MICAL3: variants seen among roughly 807,000 people sequenced by gnomAD.
MICAL3 encodes microtubule associated monooxygenase, calponin and LIM domain containing 3, also known as [F-actin]-monooxygenase MICAL3.
Under a neutral mutation model 207.4 loss-of-function variants are expected in MICAL3, and 62 were observed. The ratio of observed to expected loss-of-function variants is 0.30; its 90% CI spans 0.24 to 0.37. The LOEUF is 0.37. MICAL3 is among the 10% of genes least tolerant of loss of function. The probability of loss-of-function intolerance (pLI) is 1.00; values close to 1 mark genes in which losing one functional copy is unlikely to be tolerated. For missense variants in MICAL3, 2,368 were observed against 2,635.6 expected (o/e 0.90, Z 2.22); for synonymous variants, 1,077 against 1,069.3 (o/e 1.01, Z -0.14).
chr22:17,980,500 A>G (rs9605473), intron 1 of MICAL3, among the ~76,000 whole-genome samples: 40,885 of 152,074 alleles, frequency 0.27, 5,933 homozygotes, highest in African/African-American at 0.37. Context: ...GACAACTTTC[A>G]GCTCCTGGAA....
Position 17,967,063 on chromosome 22 carries a change from C to CAG in MICAL3, c.-75+57216_-75+57217dup, listed in dbSNP as rs1343693692. On this transcript the variant is annotated intron_variant, in intron 1 of 31. Transcript: ENST00000441493. ...TGGGACTGATCAAGGGTAGGTGAGACAGAGGTTCCATGGACAAGGGCCACC... is the reference window on the plus strand; with the variant it reads ...TGGGACTGATCAAGGGTAGGTGAGACAGAGAGGTTCCATGGACAAGGGCCACC... 5.3e-5 allele frequency among the ~76,000 whole-genome samples: 8 copies of CAG among 152,258 alleles called. No homozygotes were observed. The South Asian group carries it at 1.7e-3, about 32-fold the overall frequency.
At chr22:18,018,334 C>T (rs191073040) in intron 1 of MICAL3, among the ~76,000 whole-genome samples, 4 of 152,268 alleles carry the variant, frequency 2.6e-5, no homozygotes, top group Admixed American at 1.3e-4. Flanking sequence ...CAATTTCTGT[C>T]GGTATTTGCT....
intron 29 of MICAL3, among the ~76,000 whole-genome samples, chr22:17,807,638 G>T (rs919808229): frequency 1.9e-4 from 29 of 152,244 alleles, no homozygotes; most frequent in African/African-American, 6.7e-4. Context: ...AAAGGGCCTG[G>T]GAAAGGAGAC....
chr22:17,839,079 A>G (rs1159426190), intron 20 of MICAL3, among the ~76,000 whole-genome samples: 1 of 148,100 alleles, frequency 6.8e-6, no homozygotes, highest in African/African-American at 2.5e-5. Context: ...CTCCTGCCTC[A>G]GCCTCCTGAG....
chr22:17,882,736 T>C (rs1437493072), intron 16 of MICAL3, among the ~76,000 whole-genome samples: 1 of 152,210 alleles, frequency 6.6e-6, no homozygotes, highest in Non-Finnish European at 1.5e-5. Flanking sequence ...TTCTCACCGC[T>C]AACGATTTCT....
chr22:18,021,022 A>T (rs1482899958), intron 1 of MICAL3, among the ~76,000 whole-genome samples: 1 of 152,220 alleles, frequency 6.6e-6, no homozygotes, highest in African/African-American at 2.4e-5. Context: ...TCCACAGTTT[A>T]AAAAAGTGTG....
intron 13 of MICAL3, 84 bp from the exon 14 acceptor site, chr22:17,887,519 G>T: frequency 1.2e-6 from 1 of 824,996 alleles, no homozygotes; most frequent in Non-Finnish European, 2.0e-6. Context: ...CCTCGTGGAT[G>T]GTTCGCAGAG....
intron 11 of MICAL3, among the ~76,000 whole-genome samples, chr22:17,893,029 GC>G (rs1930509844): frequency 1.3e-5 from 2 of 152,282 alleles, no homozygotes; most frequent in South Asian, 2.1e-4. Flanking sequence ...AGACACTGCT[GC>G]CCCCACTTCA....
At position 17,905,218 on chromosome 22, in the gene MICAL3, G is replaced by A. The variant is rs1602190483; in HGVS notation, c.265-379C>T. Among the ~76,000 whole-genome samples, 3 of 152,292 alleles carry A rather than the reference G, an allele frequency of 2.0e-5. 1 individual carries two copies. The highest frequency in any genetic ancestry group is 2.0e-4 in the Admixed American group (3 of 15,300). On this transcript the variant is annotated intron_variant, in intron 2 of 31. Transcript: ENST00000441493. The stretch of plus-strand genomic sequence containing the variant: ...ACCATTTCGAAGGTTTCTAGGTCAG[G>A]CAGATTTCTGTCCAAAGAGATACAG...
intron 1 of MICAL3, among the ~76,000 whole-genome samples, chr22:17,917,464 C>T (rs559300035): frequency 1.3e-5 from 2 of 152,246 alleles, no homozygotes; most frequent in South Asian, 4.2e-4. Context: ...CAAATCCAAC[C>T]ACTTCTCACC....
Position 17,919,189 on chromosome 22 carries a change from T to G in MICAL3, c.-74-12303A>C, listed in dbSNP as rs572525559. On this transcript the variant is annotated intron_variant, in intron 1 of 31. Transcript: ENST00000441493. ...AGGCGATTCTCCTGCCTCAGGCTCC[T>G]GAGTAGCTGGGACCACAGGTGCACA... is the stretch of plus-strand genomic sequence containing the variant. 3.3e-5 allele frequency among the ~76,000 whole-genome samples: 5 copies of G among 152,014 alleles called. No individual in the cohort carries two copies. In the South Asian group the frequency reaches 6.2e-4, roughly 19 times the overall value.
chr22:17,862,210 C>T, intron 19 of MICAL3: 3 of 985,212 alleles, frequency 3.0e-6, no homozygotes, highest in Non-Finnish European at 3.6e-6. Flanking sequence ...AATGACTGTT[C>T]TCTACAACAT....
intron 1 of MICAL3, among the ~76,000 whole-genome samples, chr22:17,916,517 C>A (rs543531504): frequency 1.3e-5 from 2 of 152,366 alleles, no homozygotes; most frequent in African/African-American, 4.8e-5. Context: ...TATCTTTGAA[C>A]CTCCAACAAG....
chr22:17,790,579 C>T lies in MICAL3; in HGVS notation c.*153G>A, dbSNP rs75494179. On this transcript the variant is annotated 3_prime_UTR_variant, in exon 32 of 32. Transcript: ENST00000441493. ...CTGTCACCTGGGGCTCCCCACTGCA[C>T]GCGGGACTCGACCACTTTCCAAGCA... 798 of 694,186 alleles carry T rather than the reference C, an allele frequency of 1.1e-3. 6 individuals are homozygous for T. The African/African-American group carries it at 0.013, about 11-fold the overall frequency. 43.0% of individuals were successfully genotyped at this position (694,186 alleles called of 1,614,324 possible).
At chr22:17,864,735 G>T in intron 19 of MICAL3, 164 bp downstream of exon 19, 1 of 1,613,644 alleles carries the variant, frequency 6.2e-7, no homozygotes, top group Middle Eastern at 1.7e-4. Flanking sequence ...AGGGGACTCC[G>T]AACGCAAGCA....
chr22:17,815,037 T>TAGCC (rs1302068063), intron 27 of MICAL3: 3 of 152,320 alleles, frequency 2.0e-5, no homozygotes, highest in Non-Finnish European at 4.4e-5. Flanking sequence ...GGCCATCCGC[T>TAGCC]AGCCTGTCTG....
At chr22:17,997,032 C>T (rs981204708) in intron 1 of MICAL3, among the ~76,000 whole-genome samples, 14 of 149,762 alleles carry the variant, frequency 9.3e-5, no homozygotes, top group African/African-American at 3.2e-4. Flanking sequence ...CTCTCTGTCC[C>T]TCATCTCCCC....
intron 16 of MICAL3, among the ~76,000 whole-genome samples, chr22:17,877,567 G>GGCAGTTAT (rs1928960020): frequency 1.5e-5 from 2 of 131,582 alleles, no homozygotes; most frequent in East Asian, 2.3e-4. Flanking sequence ...ATGGAGGTTA[G>GGCAGTTAT]GGAGGTTAGG....
At chr22:17,875,330 C>A (rs1928178402) in intron 16 of MICAL3, 8 of 551,294 alleles carry the variant, frequency 1.5e-5, no homozygotes, top group Non-Finnish European at 2.4e-5. Flanking sequence ...TGGCTCCCTA[C>A]AGGAGACGGG....
Sources: gnomAD v4.1 joint callset for allele counts (sites outside exome capture counted in the v4.1 genomes callset) on GRCh38, gnomAD v4.1.1 for gene constraint, MANE v1.5 for transcripts, NCBI Gene and HGNC (gene_info 2026-07-23, HGNC 2026-07-21) for gene names.